EPHB4: variants seen among roughly 807,000 people sequenced by gnomAD.
EPHB4 encodes the protein ephrin type-B receptor 4.
In EPHB4, 50 loss-of-function variants were observed where a neutral mutation model predicts 110.6. The ratio of observed to expected loss-of-function variants is 0.45; its 90% CI spans 0.36 to 0.57. The LOEUF (loss-of-function observed/expected upper bound fraction) is 0.57, where lower values mean the gene tolerates loss of function less well. Ranked by LOEUF, EPHB4 falls within the 20% of genes least tolerant of loss-of-function variation. EPHB4 has a pLI of 0.00. For missense variants in EPHB4, 1,128 were observed against 1,382.1 expected (o/e 0.82, Z 2.91); for synonymous variants, 592 against 578.4 (o/e 1.02, Z -0.34).
At chr7:100,823,523 CTT>C (rs1813291890) in intron 3 of EPHB4, 119 bp downstream of exon 3, 1 of 1,321,686 alleles carries the variant, frequency 7.6e-7, no homozygotes, top group Non-Finnish European at 1.0e-6. Flanking sequence ...AAGCCTCCTG[CTT>C]CCAGCCCCCA....
chr7:100,818,842 C>T (rs2116448325), intron 6 of EPHB4, among the ~76,000 whole-genome samples, 198 bp from the exon 7 acceptor site: 1 of 152,110 alleles, frequency 6.6e-6, no homozygotes, highest in Middle Eastern at 3.4e-3. Context: ...ATTACAGGTG[C>T]CCACCACCAT....
At position 100,822,909 on chromosome 7, in the gene EPHB4, A is replaced by G. The variant is rs779995715; in HGVS notation, c.412-242T>C. ...CCCCCTTTTTATTCACTCGTTCTAC[A>G]AACATTTACTGACACTGACGCCATG... is the stretch of plus-strand genomic sequence containing the variant. On this transcript the variant is annotated intron_variant, in intron 3 of 16. Transcript: ENST00000358173. The surrounding 1 kb of genome is among the most constrained non-coding windows in gnomAD (Gnocchi z 4.7). 2.4e-4 allele frequency among the ~76,000 whole-genome samples: 36 copies of G among 152,192 alleles called. No homozygotes were observed. Among genetic ancestry groups the G allele is most frequent in the Admixed American group, 2.2e-3 (33 of 15,284 alleles).
intron 1 of EPHB4, among the ~76,000 whole-genome samples, chr7:100,826,354 G>A (rs1379604966): frequency 1.3e-5 from 2 of 152,124 alleles, no homozygotes; most frequent in Admixed American, 6.5e-5. Context: ...ACCTGGGGCC[G>A]GGGTCTAGAC....
At position 100,812,963 on chromosome 7, in the gene EPHB4, G is replaced by A. The variant is rs1230925138; in HGVS notation, c.1902C>T (p.Leu634=). 6.2e-7 allele frequency: 1 copy of A among 1,613,972 alleles called. No homozygotes were observed. Among genetic ancestry groups the A allele is most frequent in the Admixed American group, 1.7e-5 (1 of 60,016 alleles). The change falls in exon 12 of 17, where the codon CTC becomes CTT. Residue 634 remains leucine, a synonymous_variant. Coordinates refer to ENST00000358173, the MANE Select transcript of EPHB4 (RefSeq NM_004444.5). The part of the protein sequence containing the change: ...GEFGEVCRGR[L]KAPGKKESCV... ...AGCTCTCCTTCTTCCCTGGGGCCTT[G>A]AGCCGCCCCCGGCACACCTCGCCAA...
Position 100,822,621 on chromosome 7 carries a change from G to A in EPHB4, c.458C>T (p.Ala153Val). 6.3e-7 allele frequency: 1 copy of A among 1,598,494 alleles called. No individual in the cohort carries two copies. ...GACATTCACCTTCCCGGTGGCCTCG[G>A]CCCCAGGGCGCTTCCGGGTGAGATG... is the stretch of plus-strand genomic sequence containing the variant. ...AEHLTRKRPGAEATGKVNVKT... is the reference protein window; with the variant it reads ...AEHLTRKRPGVEATGKVNVKT... The change falls in exon 4 of 17, where the codon GCC (alanine) becomes GTC (valine). Residue 153 changes from alanine (A) to valine (V), a missense_variant. Around this residue, in one of 3 missense-constraint regions of EPHB4, gnomAD observed 728 missense variants for 828.6 expected, o/e 0.88. Transcript: ENST00000358173. This position sits in a 1 kb window ranked among gnomAD's most constrained non-coding sequence, Gnocchi z 4.7.
rs373064420 is a variant in EPHB4 at position 100,813,683 on chromosome 7, C to T, written c.1725G>A (p.Ser575=). Residue 575 remains serine (S), a synonymous_variant, in exon 10 of 17, where the codon TCG becomes TCA. Coordinates refer to ENST00000358173, the MANE Select transcript of EPHB4 (RefSeq NM_004444.5). The stretch of plus-strand genomic sequence containing the variant: ...CGATGAGATACTGTCCGTGTTTGTC[C>T]GAATATTCTGCTTCTCTCCCATTGC... ...KQSNGREAEY[S]DKHGQYLIGH... The T allele has an allele frequency of 6.2e-6, 10 of 1,613,962 alleles. No individual in the cohort carries two copies. The highest frequency in any genetic ancestry group is 1.6e-4 in the Middle Eastern group (1 of 6,084).
chr7:100,817,767 T>C (rs1218508794), intron 7 of EPHB4, among the ~76,000 whole-genome samples: 4 of 151,582 alleles, frequency 2.6e-5, no homozygotes, highest in Admixed American at 2.6e-4. Flanking sequence ...TCACCCCAGG[T>C]GTTCTACCCA....
In EPHB4 at chr7:100,823,775, T is replaced by C. The variant is rs34745261; in HGVS notation, c.280A>G (p.Met94Val). Reference sequence around the variant, plus strand: ...CGAGGCAGGGACAGGCACTCGAGCATGGTGAAGCGCAGCGTGGCGTACACG... The same window carrying C: ...CGAGGCAGGGACAGGCACTCGAGCACGGTGAAGCGCAGCGTGGCGTACACG... ...VHVYATLRFT[M>V]LECLSLPRAG... The change falls in exon 3 of 17, where the codon ATG becomes GTG. Residue 94 changes from methionine to valine, a missense_variant. Met to Val is a conservative substitution (Grantham distance 21). Coordinates refer to ENST00000358173, the MANE Select transcript of EPHB4 (RefSeq NM_004444.5). 2.4e-5 allele frequency: 39 copies of C among 1,613,428 alleles called. No homozygotes were observed. The highest frequency in any genetic ancestry group is 3.2e-5 in the Non-Finnish European group (38 of 1,179,944).
intron 12 of EPHB4, among the ~76,000 whole-genome samples, chr7:100,811,562 A>C (rs543426119): frequency 6.6e-6 from 1 of 152,002 alleles, no homozygotes; most frequent in Non-Finnish European, 1.5e-5. Flanking sequence ...GCACTCAGTA[A>C]ATATTTGTCA....
chr7:100,811,690 G>T (rs1449626393), intron 12 of EPHB4, among the ~76,000 whole-genome samples: 2 of 151,736 alleles, frequency 1.3e-5, no homozygotes, highest in African/African-American at 4.8e-5. Context: ...GCAACCTATC[G>T]AGATCCTGTC....
intron 8 of EPHB4, among the ~76,000 whole-genome samples, chr7:100,816,924 A>G (rs1813085190): frequency 6.6e-6 from 1 of 152,030 alleles, no homozygotes; most frequent in Admixed American, 6.6e-5. Context: ...TCTACTAAAA[A>G]TACAAAAAAT....
chr7:100,821,608 A>C (rs1584665208), intron 4 of EPHB4, among the ~76,000 whole-genome samples: 1 of 150,530 alleles, frequency 6.6e-6, no homozygotes, highest in Non-Finnish European at 1.5e-5. Context: ...AGCCTGGGCG[A>C]CAGAGCAAGA....
intron 4 of EPHB4, among the ~76,000 whole-genome samples, chr7:100,821,959 G>A (rs867250424): frequency 2.4e-4 from 37 of 152,100 alleles, no homozygotes; most frequent in Middle Eastern, 6.8e-3. Flanking sequence ...TCAGGAGTTC[G>A]AGACCAGCCT....
intron 7 of EPHB4, among the ~76,000 whole-genome samples, chr7:100,818,083 G>A (rs1029713805): frequency 3.3e-5 from 5 of 149,526 alleles, no homozygotes; most frequent in Non-Finnish European, 7.4e-5. Context: ...AGCCAGGATG[G>A]TCTCGATACT....
chr7:100,816,881 A>C (rs1001123214), intron 8 of EPHB4, among the ~76,000 whole-genome samples: 7 of 151,648 alleles, frequency 4.6e-5, no homozygotes, highest in Non-Finnish European at 1.0e-4. Flanking sequence ...CAGGAGTTCG[A>C]GACCAGCCTG....
At chr7:100,825,331 G>C (rs899750586) in intron 1 of EPHB4, 2 of 152,264 alleles carry the variant, frequency 1.3e-5, no homozygotes, top group Non-Finnish European at 2.9e-5. Flanking sequence ...ACTGGGGACA[G>C]GATGCCCGGG....
Position 100,822,016 on chromosome 7 carries a change from C to T in EPHB4, c.808+255G>A, listed in dbSNP as rs1406627986. On this transcript the variant is annotated intron_variant, in intron 4 of 16. Coordinates refer to ENST00000358173, the MANE Select transcript of EPHB4 (RefSeq NM_004444.5). This position sits in a 1 kb window ranked among gnomAD's most constrained non-coding sequence, Gnocchi z 4.7. ...TCTCTACTAAAATACAAAAATTAGC[C>T]GGGCGTGGTGGCGTGTGCCTGTAGT... Among the ~76,000 whole-genome samples, 3 of 152,226 alleles carry T rather than the reference C, an allele frequency of 2.0e-5. No individual in the cohort carries two copies. The highest frequency in any genetic ancestry group is 3.9e-4 in the East Asian group (2 of 5,162).
chr7:100,823,702 C>T lies in EPHB4; in HGVS notation c.353G>A (p.Ser118Asn), dbSNP rs762677252. 1.9e-6 allele frequency: 3 copies of T among 1,613,596 alleles called. No homozygotes were observed. The highest frequency in any genetic ancestry group is 3.3e-5 in the Admixed American group (2 of 60,032). ...KETFTVFYYE[S>N]DADTATALTP... ...GAGGGCCGTGGCCGTGTCCGCATCG[C>T]TCTCATAGTAGAAGACGGTGAAGGT... is the stretch of plus-strand genomic sequence containing the variant. Residue 118 changes from serine (S) to asparagine (N), a missense_variant, in exon 3 of 17, where the codon AGC (serine) becomes AAC (asparagine). By Grantham distance (46) the Ser-to-Asn change is conservative. Around this residue, in one of 3 missense-constraint regions of EPHB4, gnomAD observed 728 missense variants for 828.6 expected, o/e 0.88. Transcript: ENST00000358173.
At position 100,818,549 on chromosome 7, in the gene EPHB4, G is replaced by A. The variant is rs763871831; in HGVS notation, c.1393C>T (p.Leu465=). The change falls in exon 7 of 17, where the codon CTG becomes TTG. Residue 465 remains leucine (L), a synonymous_variant. Coordinates refer to ENST00000358173, the MANE Select transcript of EPHB4 (RefSeq NM_004444.5). ...AVPRAPSGAV[L]DYEVKYHEKG... is the part of the protein sequence containing the mutation. ...TCATGGTATTTGACCTCGTAGTCCAGCACAGCCCCACTGGGTGCCCGGGGA... is the reference window on the plus strand; with the variant it reads ...TCATGGTATTTGACCTCGTAGTCCAACACAGCCCCACTGGGTGCCCGGGGA... The A allele has an allele frequency of 6.2e-7, 1 of 1,614,036 alleles. No homozygotes were observed. Among genetic ancestry groups the A allele is most frequent in the Non-Finnish European group, 8.5e-7 (1 of 1,179,998 alleles).
Sources: allele counts gnomAD v4.1 joint callset (sites outside exome capture counted in the v4.1 genomes callset), GRCh38; gene constraint gnomAD v4.1.1; regional missense constraint gnomAD v4.1.1; non-coding constraint Gnocchi (gnomAD v3.1); transcripts MANE v1.5; gene names NCBI Gene and HGNC (gene_info 2026-07-23, HGNC 2026-07-21).